Variants in CERS2 observed in about 807,000 individuals in gnomAD.
CERS2 encodes ceramide synthase 2, also known as LAG1 homolog, ceramide synthase 2.
A neutral mutation model predicts 56.6 loss-of-function variants in CERS2; 20 were observed. That is an observed-to-expected ratio of 0.35 (90% CI 0.25 to 0.51). The LOEUF (loss-of-function observed/expected upper bound fraction) is 0.51. CERS2 is among the 20% of genes least tolerant of loss of function. The probability of loss-of-function intolerance (pLI) is 0.96; values close to 1 mark genes in which losing one functional copy is unlikely to be tolerated. For missense variants in CERS2, 361 were observed against 488.6 expected, an observed-to-expected ratio of 0.74 and a Z score of 2.46; for synonymous variants, 187 against 175.4, an observed-to-expected ratio of 1.07 and a Z score of -0.52.
chr1:150,968,884 A>AG (rs1491526567), intron 2 of CERS2, 34 bp downstream of exon 2: 1 of 1,594,358 alleles, frequency 6.3e-7, no homozygotes, highest in Non-Finnish European at 8.6e-7. Flanking sequence ...AACTGGCAAC[A>AG]GGGGAAGGCA....
At chr1:150,968,226 G>A (rs1427504274) in intron 3 of CERS2, 25 bp from the exon 4 acceptor site, 4 of 1,602,386 alleles carry the variant, frequency 2.5e-6, no homozygotes, top group Middle Eastern at 1.6e-4. Flanking sequence ...GAAGCCCATT[G>A]TTATGTTTAC....
intron 1 of CERS2, chr1:150,974,298 G>C (rs1186033494): frequency 6.7e-6 from 1 of 150,374 alleles, no homozygotes; most frequent in African/African-American, 2.5e-5. Context: ...CAGCCCCCGC[G>C]TCCCCACCTT....
chr1:150,967,045 C>G (rs780166544), intron 8 of CERS2, 29 bp downstream of exon 8: 3 of 1,613,508 alleles, frequency 1.9e-6, no homozygotes, highest in African/African-American at 1.3e-5. Flanking sequence ...GAACCTGCAC[C>G]AGGGTCTCTA....
chr1:150,967,621 GTGTGTCT>G, intron 6 of CERS2, 36 bp downstream of exon 6: 1 of 1,549,370 alleles, frequency 6.5e-7, no homozygotes, highest in Non-Finnish European at 8.9e-7. Context: ...CTTCACTAGG[GTGTGTCT>G]TAGTCCACCC....
At position 150,965,900 on chromosome 1, in the gene CERS2, T is replaced by G; in HGVS notation, c.*248A>C. On this transcript the variant is annotated 3_prime_UTR_variant, in exon 11 of 11. Transcript: ENST00000368954. ...CCTCAAAAGCAGTAGAAAGGATGACTTGGCGGGTAGGGAGGAAAATACGAC... is the reference window on the plus strand; with the variant it reads ...CCTCAAAAGCAGTAGAAAGGATGACGTGGCGGGTAGGGAGGAAAATACGAC... 2.4e-6 allele frequency: 1 copy of G among 421,286 alleles called. No individual in the cohort carries two copies. Among genetic ancestry groups the G allele is most frequent in the Non-Finnish European group, 4.2e-6 (1 of 239,068 alleles). 26.1% of individuals were successfully genotyped at this position (421,286 alleles called of 1,614,324 possible).
rs3835664 is a variant in CERS2 at position 150,965,548 on chromosome 1, TAAGA to T, written c.*596_*599del. ...CAGGGACAGCTGAAAGAAGTAGCACTAAGAAAGATCATCCGAGCAGTCCCCAGTA... is the reference window on the plus strand; with the variant it reads ...CAGGGACAGCTGAAAGAAGTAGCACTAAGATCATCCGAGCAGTCCCCAGTA... On this transcript the variant is annotated 3_prime_UTR_variant, in exon 11 of 11. Coordinates refer to ENST00000368954, the MANE Select transcript of CERS2 (RefSeq NM_022075.5). 2.0e-5 allele frequency: 3 copies of T among 152,664 alleles called. No individual in the cohort carries two copies. The highest frequency in any genetic ancestry group is 1.9e-4 in the East Asian group (1 of 5,196). 9.5% of individuals were successfully genotyped at this position (152,664 alleles called of 1,614,324 possible).
intron 4 of CERS2, 92 bp downstream of exon 4, chr1:150,967,989 TCA>T: frequency 7.2e-7 from 1 of 1,393,684 alleles, no homozygotes; most frequent in African/African-American, 1.4e-5. Flanking sequence ...ATTCACCTCC[TCA>T]CATCTCCCTG....
chr1:150,967,225 AG>A, intron 7 of CERS2, 23 bp from the exon 8 acceptor site: 1 of 1,612,658 alleles, frequency 6.2e-7, no homozygotes, highest in African/African-American at 1.3e-5. Context: ...TGCAGGCCCC[AG>A]GGCCTTTTTT....
chr1:150,967,128 G>A lies in CERS2; in HGVS notation c.687C>T (p.Ile229=), dbSNP rs1177772126. 6.2e-7 allele frequency: 1 copy of A among 1,613,976 alleles called. No individual in the cohort carries two copies. The part of the protein sequence containing the change: ...LISFSWFANY[I]RAGTLIMALH... ...GAGCCATGATTAGAGTCCCAGCTCG[G>A]ATGTAATTGGCAAACCAGGAAAAGC... The change falls in exon 8 of 11, where the codon ATC becomes ATT. Residue 229 remains isoleucine (I), a synonymous_variant. Transcript: ENST00000368954.
chr1:150,972,186 A>T (rs1671198021), intron 1 of CERS2, among the ~76,000 whole-genome samples: 1 of 152,164 alleles, frequency 6.6e-6, no homozygotes, highest in South Asian at 2.1e-4. Context: ...CCAAGCAGGG[A>T]GAGTGGAAGA....
chr1:150,969,114 G>A, intron 1 of CERS2, 23 bp from the exon 2 acceptor site: 1 of 1,608,010 alleles, frequency 6.2e-7, no homozygotes. Context: ...CAAAGGGGAG[G>A]GCATCAAGAG....
intron 1 of CERS2, chr1:150,974,127 C>CGGGGCA (rs1440066249): frequency 6.6e-6 from 1 of 152,292 alleles, no homozygotes; most frequent in Non-Finnish European, 1.5e-5. Flanking sequence ...AGGAAGAAAA[C>CGGGGCA]GGGGCAGGGC....
intron 1 of CERS2, among the ~76,000 whole-genome samples, chr1:150,970,873 A>ACACC (rs1671162643): frequency 6.6e-6 from 1 of 152,298 alleles, no homozygotes; most frequent in Non-Finnish European, 1.5e-5. Flanking sequence ...CTGCAGGGGA[A>ACACC]CACCCATACC....
chr1:150,966,058 T>TC lies in CERS2; in HGVS notation c.*89dup. On this transcript the variant is annotated 3_prime_UTR_variant, in exon 11 of 11. Coordinates refer to ENST00000368954, the MANE Select transcript of CERS2 (RefSeq NM_022075.5). ...AACTCTCCTCTCACTTTCTCCTTTT[T>TC]CCCCAGAGCTTAAAGTGACCCTATA... is the stretch of plus-strand genomic sequence containing the variant. 7.6e-7 allele frequency: 1 copy of TC among 1,313,614 alleles called. No individual in the cohort carries two copies. The highest frequency in any genetic ancestry group is 1.0e-6 in the Non-Finnish European group (1 of 965,598). 81.4% of individuals were successfully genotyped at this position (1,313,614 alleles called of 1,614,324 possible). A position where few individuals can be genotyped will look rare whatever the true frequency, so the allele number is the denominator to read the frequency against.
intron 4 of CERS2, 73 bp downstream of exon 4, chr1:150,968,010 C>T (rs1396568532): frequency 6.8e-7 from 1 of 1,461,010 alleles, no homozygotes; most frequent in African/African-American, 1.4e-5. Flanking sequence ...TGCGTATAGC[C>T]ACCGCCTATC....
Position 150,966,187 on chromosome 1 carries a change from G to C in CERS2, c.1104C>G (p.Gly368=). The change falls in exon 11 of 11, where the codon GGC becomes GGG. Residue 368 remains glycine (G), a synonymous_variant. Coordinates refer to ENST00000368954, the MANE Select transcript of CERS2 (RefSeq NM_022075.5). ...GGAKSRPLAN[G]HPILNNNHRK... is the part of the protein sequence containing the mutation. ...GATGGTTGTTATTGAGGATGGGGTG[G>C]CCATTGGCTAGGGGCCGGCTCTTTG... The C allele has an allele frequency of 6.2e-7, 1 of 1,607,414 alleles. No individual in the cohort carries two copies. Among genetic ancestry groups the C allele is most frequent in the Non-Finnish European group, 8.5e-7 (1 of 1,178,310 alleles).
chr1:150,967,518 C>T (rs777933110), intron 6 of CERS2, 34 bp from the exon 7 acceptor site: 17 of 1,430,136 alleles, frequency 1.2e-5, no homozygotes, highest in East Asian at 4.5e-5. Context: ...AGCAACCAGC[C>T]GCAAGGGTGT....
rs774392793 is a variant in CERS2 at position 150,966,264 on chromosome 1, G to A, written c.1027C>T (p.Arg343Trp). ...CCCTCTGAGCTCTCTGTTTCTTCCCGGTCACTGCGTTCATCTTCTACCAGC... is the reference window on the plus strand; with the variant it reads ...CCCTCTGAGCTCTCTGTTTCTTCCCAGTCACTGCGTTCATCTTCTACCAGC... Reference protein sequence around the residue: ...GKLVEDERSDREETESSEGEE... With the variant: ...GKLVEDERSDWEETESSEGEE... Residue 343 changes from arginine to tryptophan, a missense_variant, in exon 11 of 11, where the codon CGG becomes TGG. Physicochemically the swap from Arg to Trp is moderately radical, Grantham distance 101. Around this residue, in one of 3 missense-constraint regions of CERS2, gnomAD observed 122 missense variants for 151.9 expected, o/e 0.80. Coordinates refer to ENST00000368954, the MANE Select transcript of CERS2 (RefSeq NM_022075.5). 3.1e-6 allele frequency: 5 copies of A among 1,610,998 alleles called. No homozygotes were observed. The highest frequency in any genetic ancestry group is 4.2e-6 in the Non-Finnish European group (5 of 1,179,158).
At chr1:150,971,921 T>C in intron 1 of CERS2, 1 of 471,146 alleles carries the variant, frequency 2.1e-6, no homozygotes, top group South Asian at 1.5e-5. Context: ...GCCCTGGCAG[T>C]CCTAGACTTC....
Sources: gnomAD v4.1 joint callset for allele counts (sites outside exome capture counted in the v4.1 genomes callset) on GRCh38, gnomAD v4.1.1 for gene constraint, gnomAD v4.1.1 regional missense constraint, MANE v1.5 for transcripts, NCBI Gene and HGNC (gene_info 2026-07-23, HGNC 2026-07-21) for gene names.